Variants in TPCN1 observed in about 807,000 individuals in gnomAD.
The protein encoded by TPCN1 is two pore segment channel 1, also known as two pore channel protein 1.
In TPCN1, 52 loss-of-function variants were observed where a neutral mutation model predicts 108.8. The ratio of observed to expected loss-of-function variants is 0.48; its 90% confidence interval spans 0.38 to 0.60. TPCN1 has a LOEUF of 0.60. Ranked by LOEUF, TPCN1 falls within the 20% of genes least tolerant of loss-of-function variation. TPCN1 has a pLI of 0.00. For synonymous variants in TPCN1, 446 were observed against 433.7 expected (o/e 1.03, Z -0.35); for missense variants, 806 against 1,072.8 (o/e 0.75, Z 3.47).
At chr12:113,261,390 CT>C (rs957827830) in intron 3 of TPCN1, among the ~76,000 whole-genome samples, 47 of 74,990 alleles carry the variant, frequency 6.3e-4, no homozygotes, top group Non-Finnish European at 1.1e-3. Flanking sequence ...TTATAGTCTG[CT>C]TTTTTTTTTC....
Position 113,284,524 on chromosome 12 carries a change from G to A in TPCN1, c.1343-57G>A. The A allele has an allele frequency of 6.2e-7, 1 of 1,601,278 alleles. No homozygotes were observed. Among genetic ancestry groups the A allele is most frequent in the Non-Finnish European group, 8.5e-7 (1 of 1,169,724 alleles). Reference sequence around the variant, plus strand: ...TAACCAGGGACTTCAGCTGCGACCTGCAGATTTCTAAGCCCCCCTGTTATT... The same window carrying A: ...TAACCAGGGACTTCAGCTGCGACCTACAGATTTCTAAGCCCCCCTGTTATT... On this transcript the variant is annotated intron_variant, in intron 15 of 27. Coordinates refer to ENST00000335509, the MANE Select transcript of TPCN1 (RefSeq NM_017901.6). The surrounding 1 kb of genome is among the most constrained non-coding windows in gnomAD (Gnocchi z 4.1).
At chr12:113,263,383 C>G (rs1436671060) in intron 3 of TPCN1, among the ~76,000 whole-genome samples, 1 of 152,168 alleles carries the variant, frequency 6.6e-6, no homozygotes, top group Non-Finnish European at 1.5e-5. Flanking sequence ...GCCTCAGCCA[C>G]CCAGGTAGCT....
intron 10 of TPCN1, among the ~76,000 whole-genome samples, chr12:113,274,556 G>A (rs1376600095): frequency 1.3e-5 from 2 of 152,110 alleles, no homozygotes; most frequent in Non-Finnish European, 2.9e-5. Context: ...GAATATTTTT[G>A]ATTTGCGGTT....
Position 113,266,219 on chromosome 12 carries a change from G to A in TPCN1, c.277G>A (p.Asp93Asn). The change falls in exon 4 of 28, where the codon GAT becomes AAT. Residue 93 changes from aspartate to asparagine, a missense_variant. By Grantham distance (23) the Asp-to-Asn change is conservative (BLOSUM62 1). Transcript: ENST00000335509. The surrounding 1 kb of genome is among the most constrained non-coding windows in gnomAD (Gnocchi z 4.2). ...NNDKFFTHPK[D>N]AKALAAYLFA... ...CGACAAGTTCTTCACCCACCCCAAG[G>A]ATGCCAAGGCGCTGGCGGCCTACCT... 1 of 1,614,148 alleles carries A rather than the reference G, an allele frequency of 6.2e-7. No homozygotes were observed.
At position 113,232,900 on chromosome 12, in the gene TPCN1, C is replaced by A. The variant is rs118057521; in HGVS notation, c.112+5936C>A. Among the ~76,000 whole-genome samples, 1 of 152,208 alleles carries A rather than the reference C, an allele frequency of 6.6e-6. No homozygotes were observed. The stretch of plus-strand genomic sequence containing the variant: ...GCAGGTGGCCCCTGCCAAGCTGGGA[C>A]GCCTCCGTGTAGCAGCTGGAGACCA... On this transcript the variant is annotated intron_variant, in intron 2 of 27. Transcript: ENST00000335509. The surrounding 1 kb of genome is among the most constrained non-coding windows in gnomAD (Gnocchi z 5.6).
Position 113,284,722 on chromosome 12 carries a change from G to A in TPCN1, c.1404G>A (p.Gly468=). 2 of 1,614,218 alleles carry A rather than the reference G, an allele frequency of 1.2e-6. No individual in the cohort carries two copies. The highest frequency in any genetic ancestry group is 1.7e-6 in the Non-Finnish European group (2 of 1,180,038). Residue 468 remains glycine, a synonymous_variant, in exon 17 of 28, where the codon GGG becomes GGA. Transcript: ENST00000335509. This position sits in a 1 kb window ranked among gnomAD's most constrained non-coding sequence, Gnocchi z 4.1. ...TGCTACTTCTCTGTCTTACAGGTGG[G>A]AACTTCTTCTCCAAGCACGTGCCCT... ...ILVETFMLKG[G]NFFSKHVPWS...
intron 15 of TPCN1, among the ~76,000 whole-genome samples, chr12:113,282,247 C>T (rs1038899013): frequency 1.3e-5 from 2 of 151,710 alleles, no homozygotes; most frequent in African/African-American, 4.8e-5. Flanking sequence ...CCCACCACCA[C>T]GCCTGGCTAA....
At chr12:113,250,102 G>A (rs1954574821) in intron 2 of TPCN1, 1 of 152,244 alleles carries the variant, frequency 6.6e-6, no homozygotes, top group Admixed American at 6.5e-5. Flanking sequence ...TGAGATTGGG[G>A]CTAGATTTGG....
chr12:113,266,953 C>T lies in TPCN1; in HGVS notation c.414+597C>T, dbSNP rs1422166114. On this transcript the variant is annotated intron_variant, in intron 4 of 27. Transcript: ENST00000335509. This position sits in a 1 kb window ranked among gnomAD's most constrained non-coding sequence, Gnocchi z 4.2. ...TGACTCAGTTTCCCTTCCTGTTTCT[C>T]CTTCTTCATGCCTGGAACTCACAGC... 6.6e-6 allele frequency among the ~76,000 whole-genome samples: 1 copy of T among 152,184 alleles called. No individual in the cohort carries two copies. The highest frequency in any genetic ancestry group is 1.9e-4 in the East Asian group (1 of 5,196).
Position 113,232,833 on chromosome 12 carries a change from C to A in TPCN1, c.112+5869C>A, listed in dbSNP as rs1297767506. Among the ~76,000 whole-genome samples, 1 of 152,174 alleles carries A rather than the reference C, an allele frequency of 6.6e-6. No homozygotes were observed. The highest frequency in any genetic ancestry group is 2.4e-5 in the African/African-American group (1 of 41,438). ...TCCTCCATGAGCAGAGGTCCTGAAC[C>A]CAGGCCACGATTCAGATCCTTCTTG... On this transcript the variant is annotated intron_variant, in intron 2 of 27. Transcript: ENST00000335509. The surrounding 1 kb of genome is among the most constrained non-coding windows in gnomAD (Gnocchi z 5.6).
intron 11 of TPCN1, 46 bp from the exon 12 acceptor site, chr12:113,277,194 G>A: frequency 1.2e-6 from 2 of 1,610,174 alleles, no homozygotes; most frequent in Non-Finnish European, 1.7e-6. Context: ...TGCCCCAAGG[G>A]AAGGGGAGTA....
chr12:113,228,894 G>C (rs1953573013), intron 2 of TPCN1, among the ~76,000 whole-genome samples: 1 of 152,192 alleles, frequency 6.6e-6, no homozygotes, highest in Non-Finnish European at 1.5e-5. Flanking sequence ...CCTACTAAGG[G>C]TGTGGCTTGT....
intron 12 of TPCN1, 105 bp downstream of exon 12, chr12:113,277,469 T>C: frequency 1.5e-6 from 2 of 1,358,372 alleles, no homozygotes; most frequent in Non-Finnish European, 2.1e-6. Flanking sequence ...CCTATAGGCT[T>C]GTCAGAGACT....
chr12:113,228,155 G>A (rs1467579317), intron 2 of TPCN1, among the ~76,000 whole-genome samples: 1 of 152,194 alleles, frequency 6.6e-6, no homozygotes, highest in Non-Finnish European at 1.5e-5. Flanking sequence ...GGGTCAGAGA[G>A]GTCAAGTAAC....
rs200644632 is a variant in TPCN1 at position 113,293,293 on chromosome 12, C to T, written c.2278C>T (p.Arg760Trp). 2.5e-6 allele frequency: 4 copies of T among 1,614,056 alleles called. No individual in the cohort carries two copies. The highest frequency in any genetic ancestry group is 3.4e-6 in the Non-Finnish European group (4 of 1,180,024). ...GCAACATTCCATGGTGTTTCTGGGA[C>T]GGCGATCAAGGACCAAGAGCGACCT... ...YQQHSMVFLG[R>W]RSRTKSDLSL... The change falls in exon 27 of 28, where the codon CGG becomes TGG. Residue 760 changes from arginine to tryptophan, a missense_variant. Arg to Trp is a moderately radical substitution (Grantham distance 101, BLOSUM62 -3). Coordinates refer to ENST00000335509, the MANE Select transcript of TPCN1 (RefSeq NM_017901.6).
chr12:113,237,711 A>T (rs1303367341), intron 2 of TPCN1, among the ~76,000 whole-genome samples: 2 of 152,324 alleles, frequency 1.3e-5, no homozygotes, highest in African/African-American at 4.8e-5. Flanking sequence ...TGCTGAACAG[A>T]TGAGGACTTT....
chr12:113,287,067 T>C lies in TPCN1; in HGVS notation c.1607T>C (p.Val536Ala). Residue 536 changes from valine to alanine, a missense_variant, in exon 19 of 28, where the codon GTG becomes GCG. Coordinates refer to ENST00000335509, the MANE Select transcript of TPCN1 (RefSeq NM_017901.6). Reference protein sequence around the residue: ...ALNMEPFYFIVVLRPLQLLRL... With the variant: ...ALNMEPFYFIAVLRPLQLLRL... ...AACATGGAGCCCTTCTATTTCATCGTGGTCCTGCGCCCCCTCCAGCTGCTG... is the reference window on the plus strand; with the variant it reads ...AACATGGAGCCCTTCTATTTCATCGCGGTCCTGCGCCCCCTCCAGCTGCTG... The C allele has an allele frequency of 6.2e-7, 1 of 1,613,804 alleles. No individual in the cohort carries two copies. The highest frequency in any genetic ancestry group is 1.1e-5 in the South Asian group (1 of 91,074).
chr12:113,225,601 C>T (rs964505053), intron 1 of TPCN1, among the ~76,000 whole-genome samples: 5 of 152,184 alleles, frequency 3.3e-5, no homozygotes, highest in African/African-American at 7.2e-5. Flanking sequence ...CGCCCTGTCA[C>T]CCAGGCTGGA....
chr12:113,277,472 C>CA lies in TPCN1; in HGVS notation c.1184+109dup. On this transcript the variant is annotated intron_variant, in intron 12 of 27. Transcript: ENST00000335509. ...GAGGTGGGCAGGCCTATAGGCTTGT[C>CA]AGAGACTTCCTCCACAGATGTTTAT... 2.3e-6 allele frequency: 3 copies of CA among 1,333,296 alleles called. No homozygotes were observed. The Admixed American group carries it at 5.8e-5, about 26-fold the overall frequency. The allele number at this position is 1,333,296 out of a possible 1,614,324, so 82.6% of individuals were successfully genotyped here.
Sources: gnomAD v4.1 joint callset for allele counts (sites outside exome capture counted in the v4.1 genomes callset) on GRCh38, gnomAD v4.1.1 for gene constraint, Gnocchi (gnomAD v3.1) non-coding constraint, MANE v1.5 for transcripts, NCBI Gene and HGNC (gene_info 2026-07-23, HGNC 2026-07-21) for gene names.